ELMOD1: variants seen among roughly 807,000 people sequenced by gnomAD.
ELMOD1 encodes the protein ELMO domain containing 1, also known as ELMO domain-containing protein 1.
In ELMOD1, 21 loss-of-function variants were observed where a neutral mutation model predicts 46.7. The ratio of observed to expected loss-of-function variants is 0.45; its 90% CI spans 0.32 to 0.65. The LOEUF is 0.65. ELMOD1 is among the 30% of genes least tolerant of loss of function. The pLI is 0.04. For synonymous variants in ELMOD1, 122 were observed against 138.2 expected, an observed-to-expected ratio of 0.88 and a Z score of 0.82; for missense variants, 348 against 407.8, an observed-to-expected ratio of 0.85 and a Z score of 1.26.
intron 5 of ELMOD1, among the ~76,000 whole-genome samples, chr11:107,631,963 ACT>A (rs1379817410): frequency 3.3e-5 from 5 of 152,302 alleles, no homozygotes; most frequent in Admixed American, 1.3e-4. Flanking sequence ...ATCAACAATC[ACT>A]CTATCTGATG....
chr11:107,647,379 C>T, intron 6 of ELMOD1, 89 bp from the exon 7 acceptor site: 1 of 1,278,996 alleles, frequency 7.8e-7, no homozygotes, highest in East Asian at 2.4e-5. Flanking sequence ...TTCAGCTTTG[C>T]AAAGCTCCTC....
intron 1 of ELMOD1, among the ~76,000 whole-genome samples, chr11:107,610,473 G>C (rs996288368): frequency 5.3e-5 from 8 of 151,972 alleles, no homozygotes; most frequent in Admixed American, 4.6e-4. Flanking sequence ...AGACCAGCCT[G>C]GCCAACATGT....
chr11:107,618,102 C>T lies in ELMOD1; in HGVS notation c.-85-3C>T. On this transcript the variant is annotated splice_polypyrimidine_tract_variant and splice_region_variant and intron_variant, in intron 1 of 11. Coordinates refer to ENST00000265840, the MANE Select transcript of ELMOD1 (RefSeq NM_018712.4). ...ATACCTAATATCTAATTTCTTCCCA[C>T]AGTTGACACTTACTTTGACAAAGGC... The T allele has an allele frequency of 7.1e-7, 1 of 1,409,106 alleles. No homozygotes were observed. Among genetic ancestry groups the T allele is most frequent in the Non-Finnish European group, 9.8e-7 (1 of 1,017,632 alleles). The allele number at this position is 1,409,106 out of a possible 1,614,324, so 87.3% of individuals were successfully genotyped here. A position where few individuals can be genotyped will look rare whatever the true frequency, so the allele number is the denominator to read the frequency against.
At chr11:107,608,885 G>A (rs1865731288) in intron 1 of ELMOD1, among the ~76,000 whole-genome samples, 1 of 152,150 alleles carries the variant, frequency 6.6e-6, no homozygotes, top group Non-Finnish European at 1.5e-5. Flanking sequence ...AGTTTGAAAT[G>A]AATATACTGT....
rs1388192850 is a variant in ELMOD1 at position 107,630,307 on chromosome 11, A to AT, written c.18-105dup. ...AGAAACATATGTTAAGTATAAGGTG[A>AT]TTTTTCTAACCCCTGATTTTCTCCT... On this transcript the variant is annotated intron_variant, in intron 2 of 11. Transcript: ENST00000265840. The AT allele has an allele frequency of 1.7e-5, 17 of 985,176 alleles. No individual in the cohort carries two copies. The African/African-American group carries it at 2.6e-4, about 15-fold the overall frequency. 61.0% of individuals were successfully genotyped at this position (985,176 alleles called of 1,614,324 possible). A position where few individuals can be genotyped will look rare whatever the true frequency, so the allele number is the denominator to read the frequency against.
chr11:107,614,337 G>A (rs1865825844), intron 1 of ELMOD1, among the ~76,000 whole-genome samples: 1 of 151,968 alleles, frequency 6.6e-6, no homozygotes, highest in African/African-American at 2.4e-5. Context: ...ATTACAATCA[G>A]AGTATTTTGT....
At chr11:107,606,213 C>T (rs776490607) in intron 1 of ELMOD1, among the ~76,000 whole-genome samples, 1 of 152,192 alleles carries the variant, frequency 6.6e-6, no homozygotes, top group Non-Finnish European at 1.5e-5. Context: ...AAGCAGGATG[C>T]AAACTTAGCC....
At chr11:107,618,048 G>A (rs930555302) in intron 1 of ELMOD1, 57 bp from the exon 2 acceptor site, 1 of 950,808 alleles carries the variant, frequency 1.1e-6, no homozygotes, top group Admixed American at 2.1e-5. Context: ...GAAATTTTTG[G>A]TTTGCAGCTT....
chr11:107,597,281 C>A (rs905970920), intron 1 of ELMOD1, among the ~76,000 whole-genome samples: 1 of 152,178 alleles, frequency 6.6e-6, no homozygotes, highest in Non-Finnish European at 1.5e-5. Context: ...ATGTGAAGTT[C>A]ATTTAGGTTC....
intron 1 of ELMOD1, among the ~76,000 whole-genome samples, chr11:107,596,664 G>T (rs1215290003): frequency 6.6e-6 from 1 of 152,034 alleles, no homozygotes; most frequent in African/African-American, 2.4e-5. Context: ...TACATCATTA[G>T]TCATAATTTT....
At position 107,642,526 on chromosome 11, in the gene ELMOD1, C is replaced by T. The variant is rs369259157; in HGVS notation, c.421-4942C>T. On this transcript the variant is annotated intron_variant, in intron 6 of 11. Transcript: ENST00000265840. ...GGGATTACAGGCACCCGCCACCACA[C>T]CCAGCTAATTTTTTTTGTATTTTTA... 5.3e-5 allele frequency among the ~76,000 whole-genome samples: 8 copies of T among 152,204 alleles called. No homozygotes were observed. In the East Asian group the frequency reaches 9.7e-4, roughly 18 times the overall value.
chr11:107,623,433 T>A (rs1292824364), intron 2 of ELMOD1: 1 of 152,232 alleles, frequency 6.6e-6, no homozygotes, highest in Non-Finnish European at 1.5e-5. Flanking sequence ...CTTCACTGTT[T>A]GTTAAGCTCT....
chr11:107,640,785 G>T (rs992876629), intron 6 of ELMOD1, among the ~76,000 whole-genome samples: 1 of 152,136 alleles, frequency 6.6e-6, no homozygotes, highest in Non-Finnish European at 1.5e-5. Context: ...ATCAAAAACA[G>T]CATTCAATAG....
intron 1 of ELMOD1, among the ~76,000 whole-genome samples, chr11:107,607,656 AAAACAAAC>A (rs57709612): frequency 3.0e-4 from 46 of 151,696 alleles, no homozygotes; most frequent in Non-Finnish European, 3.1e-4. Flanking sequence ...GAACCTGTCT[AAAACAAAC>A]AAACAAACAA....
At position 107,647,479 on chromosome 11, in the gene ELMOD1, C is replaced by A. The variant is rs942414559; in HGVS notation, c.432C>A (p.Phe144Leu). 2 of 1,600,842 alleles carry A rather than the reference C, an allele frequency of 1.2e-6. No homozygotes were observed. Among genetic ancestry groups the A allele is most frequent in the Non-Finnish European group, 1.7e-6 (2 of 1,175,504 alleles). Reference protein sequence around the residue: ...HEEMLLKLWKFLKPNTPLESR... With the variant: ...HEEMLLKLWKLLKPNTPLESR... ...TTTTTTTCCTACAGTTATGGAAATT[C>A]TTGAAGCCCAATACTCCACTGGAAT... Residue 144 changes from phenylalanine to leucine, a missense_variant, in exon 7 of 12, where the codon TTC becomes TTA. By Grantham distance (22) the Phe-to-Leu change is conservative. Transcript: ENST00000265840.
Position 107,650,323 on chromosome 11 carries a change from C to T in ELMOD1, c.555-12C>T. On this transcript the variant is annotated splice_polypyrimidine_tract_variant and intron_variant, in intron 7 of 11. Coordinates refer to ENST00000265840, the MANE Select transcript of ELMOD1 (RefSeq NM_018712.4). The stretch of plus-strand genomic sequence containing the variant: ...AGTATAGAGTTACGGTTTTCTTTCC[C>T]TCCCGCTGCAGGTATTTCGCGGAAA... The T allele has an allele frequency of 1.3e-6, 2 of 1,562,312 alleles. No individual in the cohort carries two copies. Among genetic ancestry groups the T allele is most frequent in the African/African-American group, 1.4e-5 (1 of 73,914 alleles).
chr11:107,593,328 A>G (rs533940272), intron 1 of ELMOD1: 41 of 152,400 alleles, frequency 2.7e-4, no homozygotes, highest in African/African-American at 9.6e-4. Context: ...GCATGATAAT[A>G]ACTCTATAAA....
At position 107,604,836 on chromosome 11, in the gene ELMOD1, C is replaced by T. The variant is rs182445066; in HGVS notation, c.-85-13269C>T. 3.0e-3 allele frequency among the ~76,000 whole-genome samples: 463 copies of T among 152,318 alleles called. 1 individual carries two copies. Among genetic ancestry groups the T allele is most frequent in the African/African-American group, 0.01 (419 of 41,560 alleles). Reference sequence around the variant, plus strand: ...AATGCTATTACCTCTTCTGCACAGTCAGGGTTAGCATTGCCTTAAGAGCAG... The same window carrying T: ...AATGCTATTACCTCTTCTGCACAGTTAGGGTTAGCATTGCCTTAAGAGCAG... On this transcript the variant is annotated intron_variant, in intron 1 of 11. Transcript: ENST00000265840.
intron 1 of ELMOD1, among the ~76,000 whole-genome samples, chr11:107,616,726 T>C (rs1242440): frequency 5.0e-4 from 76 of 152,326 alleles, no homozygotes; most frequent in African/African-American, 1.7e-3. Context: ...TATTTGACCA[T>C]TGGGAGTTCT....
Sources: gnomAD v4.1 joint callset for allele counts (sites outside exome capture counted in the v4.1 genomes callset) on GRCh38, gnomAD v4.1.1 for gene constraint, MANE v1.5 for transcripts, NCBI Gene and HGNC (gene_info 2026-07-23, HGNC 2026-07-21) for gene names.